ASTN2: variants seen among roughly 807,000 people sequenced by gnomAD.
The protein encoded by ASTN2 is astrotactin-2.
ASTN2 carries 54 observed loss-of-function variants against 139.8 expected under a neutral mutation model. The ratio of observed to expected loss-of-function variants is 0.39; its 90% confidence interval spans 0.31 to 0.48. The LOEUF is 0.48. Among genes scored for constraint, ASTN2 ranks in the 20% least tolerant of loss-of-function variants. The pLI, the probability that ASTN2 is intolerant of heterozygous loss-of-function variation, is 0.95. For missense variants in ASTN2, 1,565 were observed against 1,725.1 expected, an observed-to-expected ratio of 0.91 and a Z score of 1.64; for synonymous variants, 756 against 719.5, an observed-to-expected ratio of 1.05 and a Z score of -0.81.
At position 117,273,767 on chromosome 9, in the gene ASTN2, C is replaced by A. The variant is rs142273886; in HGVS notation, c.630+17559G>T. Among the ~76,000 whole-genome samples the A allele has an allele frequency of 3.1e-3, 472 of 152,272 alleles. 3 individuals are homozygous for A. Among genetic ancestry groups the A allele is most frequent in the African/African-American group, 0.011 (439 of 41,568 alleles). On this transcript the variant is annotated intron_variant, in intron 2 of 22. Transcript: ENST00000313400. ...ATCTGCTTTTTATAACTTCCAGAGA[C>A]CAAAATCTGCACAAGCAGCAGTTCT...
At chr9:116,451,018 C>G (rs1848158301) in intron 20 of ASTN2, among the ~76,000 whole-genome samples, 1 of 152,118 alleles carries the variant, frequency 6.6e-6, no homozygotes, top group African/African-American at 2.4e-5. Context: ...CCCACACTTG[C>G]ACTCCCTTCA....
At chr9:116,836,182 C>A (rs1425019849) in intron 11 of ASTN2, among the ~76,000 whole-genome samples, 1 of 152,058 alleles carries the variant, frequency 6.6e-6, no homozygotes, top group African/African-American at 2.4e-5. Flanking sequence ...AGTCACTGTT[C>A]CCCCCTTAAT....
intron 10 of ASTN2, among the ~76,000 whole-genome samples, chr9:116,899,648 T>A (rs1320222827): frequency 6.6e-6 from 1 of 152,164 alleles, no homozygotes; most frequent in Non-Finnish European, 1.5e-5. Context: ...CAGTTTACAG[T>A]TTAACTTTGA....
intron 1 of ASTN2, among the ~76,000 whole-genome samples, chr9:117,363,202 A>G (rs915563332): frequency 6.6e-6 from 1 of 152,136 alleles, no homozygotes; most frequent in African/African-American, 2.4e-5. Flanking sequence ...GACTGATGTA[A>G]CACCGAAGGT....
intron 10 of ASTN2, among the ~76,000 whole-genome samples, chr9:116,927,408 T>C (rs1397335315): frequency 6.6e-6 from 1 of 152,230 alleles, no homozygotes; most frequent in African/African-American, 2.4e-5. Context: ...CATATATTTA[T>C]CATTACTAAC....
chr9:116,789,920 CTTT>C (rs57433960), intron 13 of ASTN2, among the ~76,000 whole-genome samples: 10 of 93,324 alleles, frequency 1.1e-4, no homozygotes, highest in Non-Finnish European at 1.7e-4. Flanking sequence ...TTCTCTTTCT[CTTT>C]TTTTTTTTTT....
At chr9:116,887,211 G>A (rs1833631010) in intron 10 of ASTN2, among the ~76,000 whole-genome samples, 1 of 152,104 alleles carries the variant, frequency 6.6e-6, no homozygotes, top group Admixed American at 6.5e-5. Context: ...CAATGGCTGA[G>A]TACTAGCTAG....
intron 1 of ASTN2, among the ~76,000 whole-genome samples, chr9:117,314,744 GTAATA>G (rs1023223095): frequency 4.9e-5 from 7 of 143,818 alleles, no homozygotes; most frequent in South Asian, 2.2e-4. Flanking sequence ...ATATAGTAAT[GTAATA>G]TAATTATATG....
chr9:116,550,403 G>T (rs1852289533), intron 19 of ASTN2, among the ~76,000 whole-genome samples: 1 of 152,162 alleles, frequency 6.6e-6, no homozygotes, highest in South Asian at 2.1e-4. Context: ...GGAACATAGT[G>T]CCAGCTTTAA....
At chr9:117,172,051 T>C (rs180717915) in intron 3 of ASTN2, among the ~76,000 whole-genome samples, 1 of 152,218 alleles carries the variant, frequency 6.6e-6, no homozygotes, top group African/African-American at 2.4e-5. Flanking sequence ...GGATCGCATA[T>C]CTATGAAGCA....
intron 12 of ASTN2, among the ~76,000 whole-genome samples, chr9:116,810,424 C>T (rs900295163): frequency 2.0e-5 from 3 of 152,170 alleles, no homozygotes; most frequent in African/African-American, 4.8e-5. Context: ...TACTTAACCT[C>T]TCTGTACCGC....
intron 10 of ASTN2, among the ~76,000 whole-genome samples, chr9:116,960,165 C>T (rs1835835797): frequency 6.6e-6 from 1 of 152,184 alleles, no homozygotes; most frequent in Non-Finnish European, 1.5e-5. Context: ...GCCAGTGATG[C>T]TCCTCCGAGC....
Position 117,030,271 on chromosome 9 carries a change from C to T in ASTN2, c.1423+9548G>A, listed in dbSNP as rs145141865. Reference sequence around the variant, plus strand: ...AAGTCAATCTCATCAAAGCTCCCACCCAGCATTCTCTCTTTCCGTTCTAAA... The same window carrying T: ...AAGTCAATCTCATCAAAGCTCCCACTCAGCATTCTCTCTTTCCGTTCTAAA... On this transcript the variant is annotated intron_variant, in intron 6 of 22. Transcript: ENST00000313400. Among the ~76,000 whole-genome samples the T allele has an allele frequency of 8.4e-3, 1,272 of 152,264 alleles. 4 individuals carry two copies. Among genetic ancestry groups the T allele is most frequent in the Middle Eastern group, 0.027 (8 of 294 alleles).
chr9:116,841,777 G>A (rs1342327667), intron 11 of ASTN2, among the ~76,000 whole-genome samples: 1 of 152,142 alleles, frequency 6.6e-6, no homozygotes, highest in Non-Finnish European at 1.5e-5. Context: ...CCTGATATGT[G>A]CCTGATGCCT....
At chr9:117,188,823 A>C (rs540821257) in intron 3 of ASTN2, among the ~76,000 whole-genome samples, 1 of 152,308 alleles carries the variant, frequency 6.6e-6, no homozygotes, top group South Asian at 2.1e-4. Flanking sequence ...AAAAGCATCC[A>C]CATTTTGAGA....
intron 16 of ASTN2, among the ~76,000 whole-genome samples, chr9:116,695,686 T>C (rs895472240): frequency 2.6e-5 from 4 of 152,202 alleles, no homozygotes; most frequent in Non-Finnish European, 5.9e-5. Context: ...TATGAAATGC[T>C]GACTTTATCA....
At chr9:116,687,116 C>T (rs532269538) in intron 16 of ASTN2, 104 of 1,147,010 alleles carry the variant, frequency 9.1e-5, no homozygotes, top group Non-Finnish European at 8.6e-5. Context: ...GTTTCTTCAT[C>T]TGCACCAAGG....
intron 7 of ASTN2, among the ~76,000 whole-genome samples, chr9:117,005,734 C>CTT (rs2132580950): frequency 6.8e-6 from 1 of 148,024 alleles, no homozygotes; most frequent in East Asian, 2.0e-4. Flanking sequence ...CCAGTACATA[C>CTT]TTCTCTCTCT....
rs567500915 is a variant in ASTN2 at position 117,245,262 on chromosome 9, C to A, written c.631-30520G>T. Among the ~76,000 whole-genome samples the A allele has an allele frequency of 3.7e-4, 57 of 152,312 alleles. 2 individuals carry two copies. In the South Asian group the frequency reaches 0.011, roughly 30 times the overall value. On this transcript the variant is annotated intron_variant, in intron 2 of 22. Coordinates refer to ENST00000313400, the MANE Select transcript of ASTN2 (RefSeq NM_001365068.1). ...ATTGTAACCAATTAATCCTGCCCAT[C>A]TGAAGGCTGATTAGTCGGAATATTT...
Sources: allele counts gnomAD v4.1 joint callset (sites outside exome capture counted in the v4.1 genomes callset), GRCh38; gene constraint gnomAD v4.1.1; transcripts MANE v1.5; gene names NCBI Gene and HGNC (gene_info 2026-07-23, HGNC 2026-07-21).